DIAPH3: variants seen among roughly 807,000 people sequenced by gnomAD.
DIAPH3 encodes protein diaphanous homolog 3.
In DIAPH3, 117 loss-of-function variants were observed where a neutral mutation model predicts 144.3. The ratio of observed to expected loss-of-function variants is 0.81; its 90% CI spans 0.70 to 0.95. DIAPH3 has a LOEUF of 0.95. Ranked by LOEUF, DIAPH3 falls within the 40% of genes least tolerant of loss-of-function variation. The probability of loss-of-function intolerance (pLI) is 0.00; values close to 1 mark genes in which losing one functional copy is unlikely to be tolerated. For synonymous variants in DIAPH3, 519 were observed against 488.9 expected, an observed-to-expected ratio of 1.06 and a Z score of -0.81; for missense variants, 1,421 against 1,412.7, an observed-to-expected ratio of 1.01 and a Z score of -0.09.
chr13:60,143,130 T>C (rs1951352455), intron 1 of DIAPH3, among the ~76,000 whole-genome samples: 1 of 152,180 alleles, frequency 6.6e-6, no homozygotes, highest in Non-Finnish European at 1.5e-5. Context: ...TGTTTATTTC[T>C]GGGCCTTGAC....
chr13:59,914,038 T>G (rs2047116986), intron 19 of DIAPH3, among the ~76,000 whole-genome samples: 1 of 151,124 alleles, frequency 6.6e-6, no homozygotes, highest in African/African-American at 2.4e-5. Context: ...ATAAAGTATA[T>G]GAAAAATGAA....
chr13:59,726,151 A>G (rs1312196588), intron 27 of DIAPH3, among the ~76,000 whole-genome samples: 1 of 152,214 alleles, frequency 6.6e-6, no homozygotes, highest in South Asian at 2.1e-4. Flanking sequence ...TATTTCATAT[A>G]GCCAAATTTA....
chr13:59,992,366 G>T, intron 10 of DIAPH3, 107 bp downstream of exon 10: 1 of 1,135,332 alleles, frequency 8.8e-7, no homozygotes, highest in Non-Finnish European at 1.3e-6. Flanking sequence ...TTTAACTCAA[G>T]CCTTTTCCCA....
intron 27 of DIAPH3, among the ~76,000 whole-genome samples, chr13:59,706,597 A>G (rs750086694): frequency 1.9e-4 from 29 of 152,214 alleles, no homozygotes; most frequent in Non-Finnish European, 3.4e-4. Context: ...TGACATTTTA[A>G]TTTACAAACC....
chr13:59,820,438 A>G (rs2041007894), intron 24 of DIAPH3, among the ~76,000 whole-genome samples: 1 of 151,918 alleles, frequency 6.6e-6, no homozygotes, highest in Non-Finnish European at 1.5e-5. Context: ...TCTAAATCTA[A>G]TGTTCATTAT....
intron 27 of DIAPH3, chr13:59,696,043 G>A (rs1347403579): frequency 2.0e-5 from 3 of 152,078 alleles, no homozygotes; most frequent in African/African-American, 7.2e-5. Flanking sequence ...TCAAATGAAA[G>A]GATTGAAAGG....
chr13:59,697,459 CAAAAAAAAAAAAAA>C (rs58372882), intron 27 of DIAPH3, among the ~76,000 whole-genome samples: 13 of 31,164 alleles, frequency 4.2e-4, no homozygotes, highest in East Asian at 2.0e-3. Context: ...GACACTGTCT[CAAAAAAAAAAAAAA>C]AAAAAAAAAA....
At chr13:60,052,752 G>C (rs2056396813) in intron 4 of DIAPH3, among the ~76,000 whole-genome samples, 1 of 151,742 alleles carries the variant, frequency 6.6e-6, no homozygotes, top group Admixed American at 6.6e-5. Flanking sequence ...CCTGAGGTCA[G>C]GAGTTCAAGA....
intron 19 of DIAPH3, among the ~76,000 whole-genome samples, chr13:59,915,841 A>C (rs1031136445): frequency 3.3e-5 from 5 of 152,154 alleles, no homozygotes; most frequent in Non-Finnish European, 7.4e-5. Flanking sequence ...AAAGGGCTAT[A>C]GAAACAAATT....
intron 27 of DIAPH3, among the ~76,000 whole-genome samples, chr13:59,735,902 T>G (rs1228136662): frequency 1.3e-5 from 2 of 152,154 alleles, no homozygotes; most frequent in African/African-American, 4.8e-5. Context: ...GCATTAACCC[T>G]AGTCTCCATT....
intron 21 of DIAPH3, among the ~76,000 whole-genome samples, chr13:59,868,301 T>C (rs1707953332): frequency 6.6e-6 from 1 of 152,124 alleles, no homozygotes; most frequent in African/African-American, 2.4e-5. Flanking sequence ...TAACAAAAAT[T>C]GGAGTAAGTG....
At chr13:59,948,527 T>C (rs894095268) in intron 17 of DIAPH3, among the ~76,000 whole-genome samples, 5 of 152,188 alleles carry the variant, frequency 3.3e-5, no homozygotes, top group Non-Finnish European at 5.9e-5. Context: ...CATAGCTTAC[T>C]GCAGCTTCAA....
intron 22 of DIAPH3, among the ~76,000 whole-genome samples, chr13:59,848,667 T>G (rs1221856529): frequency 8.9e-6 from 1 of 111,982 alleles, no homozygotes; most frequent in Admixed American, 9.9e-5. Flanking sequence ...TATGGCTGCA[T>G]AGTATTCCAT....
intron 27 of DIAPH3, among the ~76,000 whole-genome samples, chr13:59,735,302 G>A (rs1016804594): frequency 2.4e-4 from 36 of 152,080 alleles, no homozygotes; most frequent in Non-Finnish European, 3.7e-4. Flanking sequence ...ATTTTGTGAC[G>A]TTAAATAAAC....
At chr13:60,139,889 C>A (rs112549836) in intron 1 of DIAPH3, among the ~76,000 whole-genome samples, 2 of 152,144 alleles carry the variant, frequency 1.3e-5, no homozygotes, top group Admixed American at 6.5e-5. Context: ...ACCTATACTA[C>A]CAGATGAAAA....
chr13:60,051,656 C>G (rs927219831), intron 4 of DIAPH3, among the ~76,000 whole-genome samples: 22 of 151,972 alleles, frequency 1.4e-4, no homozygotes, highest in African/African-American at 5.3e-4. Flanking sequence ...GAGTAGATGA[C>G]AGAGGATGTG....
In DIAPH3 at chr13:59,666,137, T is replaced by C. The variant is rs1182115899; in HGVS notation, c.*447A>G. ...TCCCAATTAAGGAGAAACTTGGGCC[T>C]ATATAAACAATATATATGGAATATA... On this transcript the variant is annotated 3_prime_UTR_variant, in exon 28 of 28. Coordinates refer to ENST00000400324, the MANE Select transcript of DIAPH3 (RefSeq NM_001042517.2). The C allele has an allele frequency of 6.3e-6, 1 of 158,232 alleles. No homozygotes were observed. The highest frequency in any genetic ancestry group is 1.4e-5 in the Non-Finnish European group (1 of 72,410). The allele number at this position is 158,232 out of a possible 1,614,324, so 9.8% of individuals were successfully genotyped here. A position where few individuals can be genotyped will look rare whatever the true frequency, so the allele number is the denominator to read the frequency against.
chr13:59,902,241 G>C (rs2046475944), intron 20 of DIAPH3, among the ~76,000 whole-genome samples: 1 of 152,166 alleles, frequency 6.6e-6, no homozygotes. Context: ...GAGATGACTG[G>C]ATCATGGGGG....
At position 60,163,519 on chromosome 13, in the gene DIAPH3, C is replaced by T. The variant is rs117782847; in HGVS notation, c.180+68G>A. 5,517 of 1,576,138 alleles carry T rather than the reference C, an allele frequency of 3.5e-3. 140 individuals are homozygous for T. The East Asian group carries it at 0.062, about 18-fold the overall frequency. ...AACTTGGTCCCCAAGTTCTTGTGGG[C>T]CCACCCTCGGCAGTCAGCCCTACGG... is the stretch of plus-strand genomic sequence containing the variant. On this transcript the variant is annotated intron_variant, in intron 1 of 27. Coordinates refer to ENST00000400324, the MANE Select transcript of DIAPH3 (RefSeq NM_001042517.2).
Sources: gnomAD v4.1 joint callset for allele counts (sites outside exome capture counted in the v4.1 genomes callset) on GRCh38, gnomAD v4.1.1 for gene constraint, MANE v1.5 for transcripts, NCBI Gene and HGNC (gene_info 2026-07-23, HGNC 2026-07-21) for gene names.